The following DNAAF9 variants were observed in gnomAD, a reference collection of about 807,000 sequenced individuals.
The protein encoded by DNAAF9 is shulin.
DNAAF9 carries 90 observed loss-of-function variants against 167.0 expected under a neutral mutation model. The observed-to-expected ratio is 0.54, with a 90% CI of 0.45 to 0.64. The LOEUF (loss-of-function observed/expected upper bound fraction) is 0.64, where lower values mean the gene tolerates loss of function less well. DNAAF9 is among the 30% of genes least tolerant of loss of function. DNAAF9 has a pLI of 0.00. For missense variants in DNAAF9, 1,315 were observed against 1,442.2 expected (o/e 0.91, Z 1.43); for synonymous variants, 491 against 508.8 (o/e 0.96, Z 0.47).
Position 3,407,558 on chromosome 20 carries a change from G to A in DNAAF9, c.-1C>T. On this transcript the variant is annotated 5_prime_UTR_variant, in exon 1 of 37. Coordinates refer to ENST00000252032, the MANE Select transcript of DNAAF9 (RefSeq NM_001009984.3). ...GCCGGCGCGGGGGGTACACGTCCATGGCGGCGGACGACTGGCGGCGGAGGA... is the reference window on the plus strand; with the variant it reads ...GCCGGCGCGGGGGGTACACGTCCATAGCGGCGGACGACTGGCGGCGGAGGA... 2 of 1,238,380 alleles carry A rather than the reference G, an allele frequency of 1.6e-6. No individual in the cohort carries two copies. Among genetic ancestry groups the A allele is most frequent in the Non-Finnish European group, 2.0e-6 (2 of 991,938 alleles). 76.7% of individuals were successfully genotyped at this position (1,238,380 alleles called of 1,614,324 possible).
intron 6 of DNAAF9, among the ~76,000 whole-genome samples, chr20:3,370,380 G>A (rs902665378): frequency 5.9e-5 from 9 of 151,726 alleles, no homozygotes; most frequent in African/African-American, 2.2e-4. Context: ...TCCCAAGTAG[G>A]TGGGACTGTA....
At chr20:3,296,332 G>T in intron 23 of DNAAF9, 1 of 351,424 alleles carries the variant, frequency 2.8e-6, no homozygotes, top group South Asian at 2.2e-5. Context: ...TCAGGGCTGT[G>T]AGACGTGGCC....
chr20:3,319,319 A>G (rs1456577121), intron 16 of DNAAF9, among the ~76,000 whole-genome samples: 1 of 150,006 alleles, frequency 6.7e-6, no homozygotes, highest in Non-Finnish European at 1.5e-5. Flanking sequence ...TTTATGGCCA[A>G]GACAAATAAA....
chr20:3,348,648 C>A (rs79266162), intron 7 of DNAAF9, 25 bp from the exon 8 acceptor site: 13 of 1,457,132 alleles, frequency 8.9e-6, no homozygotes, highest in Non-Finnish European at 1.2e-5. Flanking sequence ...AAAAAGATAA[C>A]GTGTTTGGTC....
At chr20:3,319,097 A>G (rs113834351) in intron 16 of DNAAF9, among the ~76,000 whole-genome samples, 2,075 of 124,406 alleles carry the variant, frequency 0.017, 28 homozygotes, top group Non-Finnish European at 0.029. Context: ...AAAAAAAAAA[A>G]AAAAAAAGAA....
intron 2 of DNAAF9, among the ~76,000 whole-genome samples, chr20:3,381,996 C>A (rs957945368): frequency 1.3e-5 from 2 of 152,116 alleles, no homozygotes; most frequent in Non-Finnish European, 2.9e-5. Flanking sequence ...GGTGAACATG[C>A]CTGCAAATGA....
intron 29 of DNAAF9, among the ~76,000 whole-genome samples, chr20:3,271,035 ACTC>A (rs1332977645): frequency 6.6e-6 from 1 of 150,820 alleles, no homozygotes; most frequent in African/African-American, 2.4e-5. Flanking sequence ...CTGGTCTTGA[ACTC>A]CTGACCTCAG....
At chr20:3,368,698 T>A (rs905191542) in intron 6 of DNAAF9, among the ~76,000 whole-genome samples, 1 of 151,704 alleles carries the variant, frequency 6.6e-6, no homozygotes, top group African/African-American at 2.4e-5. Context: ...TTTTTTTTTT[T>A]AAGTAGAGAC....
At position 3,375,365 on chromosome 20, in the gene DNAAF9, A is replaced by C. The variant is rs79895437; in HGVS notation, c.409-239T>G. Among the ~76,000 whole-genome samples the C allele has an allele frequency of 2.5e-4, 38 of 152,314 alleles. 1 individual carries two copies. In the East Asian group the frequency reaches 7.1e-3, roughly 29 times the overall value. ...GGATCAGGAAACCTAAATGCAAGAG[A>C]TAACACTTTTCCCCCAAAAAATTCC... On this transcript the variant is annotated intron_variant, in intron 4 of 36. Transcript: ENST00000252032.
At chr20:3,262,816 C>T (rs1438514880) in intron 31 of DNAAF9, among the ~76,000 whole-genome samples, 1 of 152,138 alleles carries the variant, frequency 6.6e-6, no homozygotes, top group African/African-American at 2.4e-5. Flanking sequence ...TTATCTTGTT[C>T]AGACATAAGA....
chr20:3,361,835 C>T (rs1401018018), intron 6 of DNAAF9: 8 of 1,430,760 alleles, frequency 5.6e-6, no homozygotes, highest in Admixed American at 1.8e-5. Flanking sequence ...CTGCTTAAAT[C>T]GAATGTTGGG....
At position 3,402,644 on chromosome 20, in the gene DNAAF9, C is replaced by T. The variant is rs188699046; in HGVS notation, c.83+4831G>A. The stretch of plus-strand genomic sequence containing the variant: ...CCAGGCTGGAGTGCAGTGGCATGAA[C>T]GCAGCTCGCTGTAGCCTTGACCTCC... On this transcript the variant is annotated intron_variant, in intron 1 of 36. Coordinates refer to ENST00000252032, the MANE Select transcript of DNAAF9 (RefSeq NM_001009984.3). Among the ~76,000 whole-genome samples, 5 of 151,966 alleles carry T rather than the reference C, an allele frequency of 3.3e-5. No homozygotes were observed. In the East Asian group the frequency reaches 5.8e-4, roughly 18 times the overall value.
intron 29 of DNAAF9, 139 bp downstream of exon 29, chr20:3,278,773 A>G: frequency 2.6e-6 from 2 of 760,360 alleles, no homozygotes; most frequent in East Asian, 2.4e-5. Context: ...TGGTAAAAGT[A>G]AAGGTGTCAA....
intron 20 of DNAAF9, among the ~76,000 whole-genome samples, chr20:3,309,968 A>G (rs6051729): frequency 0.22 from 33,482 of 152,046 alleles, 4,081 homozygotes; most frequent in African/African-American, 0.32. Context: ...TGTGGCAGGC[A>G]GATCACCTGA....
At chr20:3,357,944 A>C (rs1490703244) in intron 7 of DNAAF9, among the ~76,000 whole-genome samples, 1 of 152,132 alleles carries the variant, frequency 6.6e-6, no homozygotes, top group Non-Finnish European at 1.5e-5. Flanking sequence ...CAGGAGTTCA[A>C]GGCTGTAGTG....
chr20:3,323,235 G>C (rs1433867255), intron 14 of DNAAF9, among the ~76,000 whole-genome samples: 8 of 147,156 alleles, frequency 5.4e-5, no homozygotes, highest in African/African-American at 2.0e-4. Flanking sequence ...AAAGAGATCT[G>C]CTAACCTGAA....
intron 9 of DNAAF9, 80 bp downstream of exon 9, chr20:3,343,596 T>G: frequency 9.7e-7 from 1 of 1,029,508 alleles, no homozygotes; most frequent in Admixed American, 2.0e-5. Context: ...TGAACTTGAA[T>G]GCACCCCCAC....
chr20:3,294,085 GCT>G, intron 25 of DNAAF9, 52 bp downstream of exon 25: 2 of 974,680 alleles, frequency 2.1e-6, no homozygotes, highest in Middle Eastern at 4.9e-4. Context: ...TCAGGGGCAG[GCT>G]CTCAAGATCA....
chr20:3,345,688 T>C (rs2070178924), intron 8 of DNAAF9, among the ~76,000 whole-genome samples: 1 of 151,974 alleles, frequency 6.6e-6, no homozygotes. Context: ...CCAGAGGCAA[T>C]GAAAGAAAAG....
Sources: allele counts gnomAD v4.1 joint callset (sites outside exome capture counted in the v4.1 genomes callset), GRCh38; gene constraint gnomAD v4.1.1; transcripts MANE v1.5; gene names NCBI Gene and HGNC (gene_info 2026-07-23, HGNC 2026-07-21).